The following EVI5 variants were observed in gnomAD, a reference collection of about 807,000 sequenced individuals.
EVI5 encodes the protein ecotropic viral integration site 5 protein homolog.
Under a neutral mutation model 112.0 loss-of-function variants are expected in EVI5, and 73 were observed. That is an observed-to-expected ratio of 0.65 (90% confidence interval 0.54 to 0.79). The LOEUF is 0.79. Among genes scored for constraint, EVI5 ranks in the 30% least tolerant of loss-of-function variants. The probability of loss-of-function intolerance (pLI) is 0.00; values close to 1 mark genes in which losing one functional copy is unlikely to be tolerated. For missense variants in EVI5, 900 were observed against 968.8 expected, an observed-to-expected ratio of 0.93 and a Z score of 0.94; for synonymous variants, 305 against 319.9, an observed-to-expected ratio of 0.95 and a Z score of 0.50.
intron 18 of EVI5, among the ~76,000 whole-genome samples, chr1:92,566,517 A>G (rs1323520084): frequency 6.6e-6 from 1 of 152,200 alleles, no homozygotes; most frequent in Admixed American, 6.5e-5. Context: ...GTGGATAATA[A>G]TTGACAATAA....
chr1:92,678,074 C>T (rs1407362125), intron 9 of EVI5, among the ~76,000 whole-genome samples: 1 of 152,088 alleles, frequency 6.6e-6, no homozygotes, highest in Non-Finnish European at 1.5e-5. Flanking sequence ...GGGAGGGGGA[C>T]AAGGGCTGAA....
chr1:92,599,730 C>T (rs1472381818), intron 18 of EVI5, among the ~76,000 whole-genome samples: 1 of 152,084 alleles, frequency 6.6e-6, no homozygotes, highest in Non-Finnish European at 1.5e-5. Context: ...GATGCAGCAA[C>T]ATGCAGAATG....
chr1:92,578,002 A>G (rs1430448678), intron 18 of EVI5, among the ~76,000 whole-genome samples: 1 of 152,174 alleles, frequency 6.6e-6, no homozygotes, highest in African/African-American at 2.4e-5. Flanking sequence ...CCTGTAAGGA[A>G]AGGCGCTATG....
chr1:92,693,692 C>A, intron 9 of EVI5, 110 bp downstream of exon 9: 1 of 640,106 alleles, frequency 1.6e-6, no homozygotes, highest in Non-Finnish European at 2.7e-6. Flanking sequence ...ATATTGAAAC[C>A]AATACCACCG....
Position 92,736,576 on chromosome 1 carries a change from T to A in EVI5, c.-30A>T. The A allele has an allele frequency of 6.2e-7, 1 of 1,614,126 alleles. No individual in the cohort carries two copies. Among genetic ancestry groups the A allele is most frequent in the Non-Finnish European group, 8.5e-7 (1 of 1,179,960 alleles). The stretch of plus-strand genomic sequence containing the variant: ...CTGACTGTATGCGATACTGTGTTCT[T>A]CACCCATGAGAGAGTAGAGCTCAGC... On this transcript the variant is annotated 5_prime_UTR_variant, in exon 2 of 20. Coordinates refer to ENST00000684568, the MANE Select transcript of EVI5 (RefSeq NM_001350197.2).
intron 19 of EVI5, among the ~76,000 whole-genome samples, chr1:92,537,378 T>C (rs1439374558): frequency 6.6e-6 from 1 of 152,198 alleles, no homozygotes; most frequent in African/African-American, 2.4e-5. Context: ...GTAAGTGATA[T>C]GTAATATATA....
chr1:92,532,959 G>A (rs1338177290), intron 19 of EVI5, among the ~76,000 whole-genome samples: 2 of 145,470 alleles, frequency 1.4e-5, no homozygotes, highest in Admixed American at 1.4e-4. Flanking sequence ...AGGAGATAGA[G>A]ACACAAAAAA....
chr1:92,700,543 C>T (rs560496726), intron 5 of EVI5, among the ~76,000 whole-genome samples: 325 of 152,290 alleles, frequency 2.1e-3, no homozygotes, highest in African/African-American at 7.4e-3. Context: ...ATTTATTACT[C>T]CAATGGTGGT....
chr1:92,593,648 C>T (rs1164112365), intron 18 of EVI5, among the ~76,000 whole-genome samples: 1 of 152,108 alleles, frequency 6.6e-6, no homozygotes, highest in Admixed American at 6.5e-5. Context: ...TTGCAGATGA[C>T]ATGATTGTAT....
chr1:92,629,502 T>C (rs1571978328), intron 14 of EVI5, among the ~76,000 whole-genome samples: 2 of 152,178 alleles, frequency 1.3e-5, no homozygotes, highest in African/African-American at 4.8e-5. Context: ...GTTCTTCTAC[T>C]CCCATTACTT....
At chr1:92,730,087 C>G (rs1417090897) in intron 2 of EVI5, among the ~76,000 whole-genome samples, 1 of 152,166 alleles carries the variant, frequency 6.6e-6, no homozygotes, top group Non-Finnish European at 1.5e-5. Context: ...AAAGAGGTGT[C>G]AAGTGCAATA....
intron 6 of EVI5, among the ~76,000 whole-genome samples, chr1:92,695,934 C>CTT (rs1199108717): frequency 2.1e-5 from 3 of 144,432 alleles, no homozygotes; most frequent in African/African-American, 2.5e-5. Flanking sequence ...ATAAATGAGA[C>CTT]TTTTTTTTTT....
At chr1:92,633,506 T>C (rs1657712537) in intron 14 of EVI5, among the ~76,000 whole-genome samples, 1 of 152,198 alleles carries the variant, frequency 6.6e-6, no homozygotes, top group African/African-American at 2.4e-5. Context: ...CCTGCCTTTT[T>C]TTGTTTTCCA....
At chr1:92,582,083 C>T (rs1295116183) in intron 18 of EVI5, among the ~76,000 whole-genome samples, 4 of 152,172 alleles carry the variant, frequency 2.6e-5, no homozygotes, top group Non-Finnish European at 5.9e-5. Flanking sequence ...AATGGTAGTG[C>T]CCACTATACA....
rs151208346 is a variant in EVI5 at position 92,635,639 on chromosome 1, G to A, written c.1527+563C>T. Among the ~76,000 whole-genome samples, 1,022 of 151,940 alleles carry A rather than the reference G, an allele frequency of 6.7e-3. 12 individuals are homozygous for A. Among genetic ancestry groups the A allele is most frequent in the African/African-American group, 0.023 (939 of 41,480 alleles). ...CCCTTGCGCTTCGCGGCTCAGGCTC[G>A]GTGCACTACACCCACTATCCTGCAC... On this transcript the variant is annotated intron_variant, in intron 14 of 19. Transcript: ENST00000684568.
At chr1:92,662,416 A>T (rs1340306481) in intron 13 of EVI5, among the ~76,000 whole-genome samples, 1 of 152,212 alleles carries the variant, frequency 6.6e-6, no homozygotes, top group Non-Finnish European at 1.5e-5. Context: ...ACAGATTTCT[A>T]AAAACTTAAA....
At chr1:92,550,794 ATATATATAT>A (rs1666751935) in intron 19 of EVI5, among the ~76,000 whole-genome samples, 1 of 98,618 alleles carries the variant, frequency 1.0e-5, no homozygotes, top group South Asian at 3.5e-4. Flanking sequence ...ATATATATAT[ATATATATAT>A]ATATATATAT....
chr1:92,656,224 T>C (rs1662972735), intron 13 of EVI5, among the ~76,000 whole-genome samples: 1 of 152,108 alleles, frequency 6.6e-6, no homozygotes, highest in African/African-American at 2.4e-5. Context: ...GGAATGTAAC[T>C]AGAAACTGAT....
intron 9 of EVI5, among the ~76,000 whole-genome samples, chr1:92,678,708 T>C (rs1189279935): frequency 2.0e-5 from 3 of 152,186 alleles, no homozygotes; most frequent in Non-Finnish European, 4.4e-5. Context: ...ATTTTTTTTA[T>C]CTTGCTCTTG....
Sources: gnomAD v4.1 joint callset for allele counts (sites outside exome capture counted in the v4.1 genomes callset) on GRCh38, gnomAD v4.1.1 for gene constraint, MANE v1.5 for transcripts, NCBI Gene and HGNC (gene_info 2026-07-23, HGNC 2026-07-21) for gene names.